The following EEIG1 variants were observed in gnomAD, a reference collection of about 807,000 sequenced individuals.
EEIG1 encodes estrogen-induced osteoclastogenesis regulator 1.
At chr9:127,944,358 T>C in the EEIG1 span, 2 of 585,780 alleles carry the variant, frequency 3.4e-6, no homozygotes, top group South Asian at 2.0e-5. Flanking sequence ...GCACCAGGCA[T>C]TGCTGGAGGT....
chr9:127,944,823 C>T, the EEIG1 span: 2 of 1,612,388 alleles, frequency 1.2e-6, no homozygotes, highest in Non-Finnish European at 8.5e-7. Context: ...GCACGATCTT[C>T]TCCACGATGG....
chr9:127,959,154 A>G, the EEIG1 span, among the ~76,000 whole-genome samples: 24 of 152,248 alleles, frequency 1.6e-4, no homozygotes, highest in Non-Finnish European at 3.1e-4. Context: ...ACCCCTAGGT[A>G]TATATCCCAG....
chr9:127,960,583 G>A, the EEIG1 span, among the ~76,000 whole-genome samples: 4 of 152,152 alleles, frequency 2.6e-5, no homozygotes, highest in Non-Finnish European at 5.9e-5. Context: ...ACTTCACCTA[G>A]GGTTGGAAGC....
At chr9:127,948,289 A>C in the EEIG1 span, 2 of 1,611,522 alleles carry the variant, frequency 1.2e-6, no homozygotes, top group Non-Finnish European at 8.5e-7. Context: ...AACAGAGGAC[A>C]CCCAGAGTCC....
chr9:127,976,310 A>C, the EEIG1 span, among the ~76,000 whole-genome samples: 1 of 152,232 alleles, frequency 6.6e-6, no homozygotes, highest in Non-Finnish European at 1.5e-5. This position sits in a 1 kb window ranked among gnomAD's most constrained non-coding sequence, Gnocchi z 4.1. Flanking sequence ...CTCACCTGTA[A>C]GTGGGGTAAT....
chr9:127,976,325 T>C, the EEIG1 span, among the ~76,000 whole-genome samples: 1 of 152,218 alleles, frequency 6.6e-6, no homozygotes, highest in Non-Finnish European at 1.5e-5. This position sits in a 1 kb window ranked among gnomAD's most constrained non-coding sequence, Gnocchi z 4.1. Flanking sequence ...GGTAATGCCA[T>C]CAGCCCATGG....
At chr9:127,971,547 CG>C in the EEIG1 span, among the ~76,000 whole-genome samples, 163 of 5,614 alleles carry the variant, frequency 0.029, 1 homozygote, top group African/African-American at 0.042. Flanking sequence ...GAATGCGGGG[CG>C]GGGGGGCGGG....
the EEIG1 span, chr9:127,945,040 C>T: frequency 2.9e-6 from 3 of 1,029,868 alleles, no homozygotes; most frequent in Non-Finnish European, 4.2e-6. The surrounding 1 kb of genome is among the most constrained non-coding windows in gnomAD (Gnocchi z 6.5). Flanking sequence ...ACTGAAACCT[C>T]ACATGCACAA....
chr9:127,980,171 G>A, the EEIG1 span: 52 of 1,593,010 alleles, frequency 3.3e-5, no homozygotes, highest in Middle Eastern at 1.7e-4. Context: ...CCCCGAAGGC[G>A]AAAAAAGGTG....
At chr9:127,961,155 G>GC in the EEIG1 span, among the ~76,000 whole-genome samples, 1 of 152,218 alleles carries the variant, frequency 6.6e-6, no homozygotes, top group African/African-American at 2.4e-5. Flanking sequence ...CTCGACCCCA[G>GC]CCCCATCTGC....
chr9:127,949,950 C>G, the EEIG1 span, among the ~76,000 whole-genome samples: 3 of 152,232 alleles, frequency 2.0e-5, no homozygotes, highest in Non-Finnish European at 2.9e-5. Flanking sequence ...CAGGCTACCA[C>G]GTGTCACTTG....
chr9:127,974,267 C>T, the EEIG1 span, among the ~76,000 whole-genome samples: 1 of 152,182 alleles, frequency 6.6e-6, no homozygotes, highest in Admixed American at 6.5e-5. Context: ...GCCCCTGAAC[C>T]TTCTCCACCT....
the EEIG1 span, among the ~76,000 whole-genome samples, chr9:127,971,005 C>A: frequency 6.6e-6 from 1 of 152,192 alleles, no homozygotes; most frequent in Non-Finnish European, 1.5e-5. Context: ...CAGAAGGAGC[C>A]CAAGAATTTG....
the EEIG1 span, chr9:127,954,001 GGCACTCCCCATT>G: frequency 1.9e-6 from 3 of 1,577,352 alleles, no homozygotes; most frequent in East Asian, 6.7e-5. Flanking sequence ...CCAGGGACAT[GGCACTCCCCATT>G]GGGACTGAGG....
chr9:127,943,541 A>G, the EEIG1 span: 1 of 427,516 alleles, frequency 2.3e-6, no homozygotes, highest in Non-Finnish European at 4.3e-6. Context: ...GAAGAAACTG[A>G]GGCTCAGAGG....
chr9:127,963,778 T>G, the EEIG1 span: 3 of 152,186 alleles, frequency 2.0e-5, no homozygotes, highest in Non-Finnish European at 2.9e-5. Context: ...CTGACTGTGG[T>G]GCCGGCTCGG....
the EEIG1 span, chr9:127,942,994 TTGG>T: frequency 3.2e-6 from 2 of 620,746 alleles, no homozygotes; most frequent in Non-Finnish European, 2.9e-6. Flanking sequence ...TGCCTGGGCC[TTGG>T]TGGGCCAGGA....
the EEIG1 span, among the ~76,000 whole-genome samples, chr9:127,979,679 C>T: frequency 6.6e-6 from 1 of 152,238 alleles, no homozygotes; most frequent in African/African-American, 2.4e-5. Context: ...AACACCCCTC[C>T]CCTGCACAAT....
At chr9:127,942,800 G>C in the EEIG1 span, 2 of 278,294 alleles carry the variant, frequency 7.2e-6, no homozygotes, top group Non-Finnish European at 1.4e-5. Flanking sequence ...GACACAGGTA[G>C]AGAGGCCCCC....
Sources: gnomAD v4.1 joint callset for allele counts (sites outside exome capture counted in the v4.1 genomes callset) on GRCh38, gnomAD v4.1.1 for gene constraint, Gnocchi (gnomAD v3.1) non-coding constraint, MANE v1.5 for transcripts, NCBI Gene and HGNC (gene_info 2026-07-23, HGNC 2026-07-21) for gene names.